STT3B: variants seen among roughly 807,000 people sequenced by gnomAD.
The protein encoded by STT3B is dolichyl-diphosphooligosaccharide--protein glycosyltransferase subunit STT3B.
STT3B carries 29 observed loss-of-function variants against 96.8 expected under a neutral mutation model. That is an observed-to-expected ratio of 0.30 (90% CI 0.22 to 0.41). STT3B has a LOEUF of 0.41. STT3B is among the 10% of genes least tolerant of loss of function. The probability of loss-of-function intolerance (pLI) is 1.00; values close to 1 mark genes in which losing one functional copy is unlikely to be tolerated. For synonymous variants in STT3B, 367 were observed against 360.0 expected (o/e 1.02, Z -0.22); for missense variants, 640 against 1,022.3 (o/e 0.63, Z 5.10).
chr3:31,571,971 A>G (rs1401361638), intron 1 of STT3B, among the ~76,000 whole-genome samples: 2 of 139,416 alleles, frequency 1.4e-5, no homozygotes, highest in Non-Finnish European at 3.1e-5. Flanking sequence ...AAAATATTAA[A>G]TATATCAATA....
chr3:31,543,637 C>T (rs563038900), intron 1 of STT3B, among the ~76,000 whole-genome samples: 45 of 152,154 alleles, frequency 3.0e-4, no homozygotes, highest in African/African-American at 1.1e-3. Context: ...CATCATAATC[C>T]CAGTTTCAAT....
At chr3:31,583,169 A>T (rs1698450324) in intron 3 of STT3B, among the ~76,000 whole-genome samples, 2 of 152,060 alleles carry the variant, frequency 1.3e-5, no homozygotes, top group Non-Finnish European at 2.9e-5. Flanking sequence ...TTATTTCTTC[A>T]ATTCTGTCAA....
In STT3B at chr3:31,622,125, C is replaced by T; in HGVS notation, c.1356C>T (p.Tyr452=). 1 of 1,614,054 alleles carries T rather than the reference C, an allele frequency of 6.2e-7. No homozygotes were observed. The highest frequency in any genetic ancestry group is 8.5e-7 in the Non-Finnish European group (1 of 1,179,936). Residue 452 remains tyrosine, a synonymous_variant, in exon 10 of 16, where the codon TAC becomes TAT. Transcript: ENST00000295770. ...CTCTATATGCAATCAGTGCTGTCTA[C>T]TTTGCTGGAGTGATGGTGCGACTGA... The part of the protein sequence containing the change: ...FVALYAISAV[Y]FAGVMVRLML...
intron 15 of STT3B, among the ~76,000 whole-genome samples, chr3:31,633,949 A>G (rs966321331): frequency 1.3e-5 from 2 of 152,172 alleles, no homozygotes; most frequent in Non-Finnish European, 2.9e-5. Context: ...CAGCTATCTT[A>G]TATCATTGAA....
intron 1 of STT3B, among the ~76,000 whole-genome samples, chr3:31,556,084 G>A (rs149921023): frequency 6.6e-6 from 1 of 151,400 alleles, no homozygotes; most frequent in African/African-American, 2.4e-5. Context: ...CTAGCCTCTG[G>A]TATCTGTCTA....
intron 14 of STT3B, 26 bp from the exon 15 acceptor site, chr3:31,632,909 A>ACC: frequency 6.2e-7 from 1 of 1,601,556 alleles, no homozygotes; most frequent in Middle Eastern, 1.7e-4. Flanking sequence ...TATGGTTAAC[A>ACC]CCCAATAATA....
At chr3:31,601,087 A>G (rs1408784444) in intron 5 of STT3B, among the ~76,000 whole-genome samples, 1 of 152,192 alleles carries the variant, frequency 6.6e-6, no homozygotes, top group South Asian at 2.1e-4. Context: ...TTGGAAAACA[A>G]TAACACAAAG....
chr3:31,533,026 A>G lies in STT3B; in HGVS notation c.28A>G (p.Lys10Glu). 1 of 1,588,668 alleles carries G rather than the reference A, an allele frequency of 6.3e-7. No individual in the cohort carries two copies. Among genetic ancestry groups the G allele is most frequent in the Admixed American group, 1.7e-5 (1 of 58,502 alleles). The change falls in exon 1 of 16, where the codon AAG becomes GAG. Residue 10 changes from lysine to glutamate, a missense_variant. Lys to Glu is a moderately conservative substitution (Grantham distance 56, BLOSUM62 1). This residue lies in a region of STT3B where 89 missense variants were observed against 81.7 expected (regional missense o/e 1.09). Coordinates refer to ENST00000295770, the MANE Select transcript of STT3B (RefSeq NM_178862.3). MAEPSAPESKHKSSLNSSPW... is the reference protein window; with the variant it reads MAEPSAPESEHKSSLNSSPW... ...GGCGGAGCCCTCGGCCCCGGAGAGCAAGCACAAGTCGTCCCTCAACTCGTC... is the reference window on the plus strand; with the variant it reads ...GGCGGAGCCCTCGGCCCCGGAGAGCGAGCACAAGTCGTCCCTCAACTCGTC...
chr3:31,569,574 A>C (rs1007151819), intron 1 of STT3B, among the ~76,000 whole-genome samples: 1 of 152,150 alleles, frequency 6.6e-6, no homozygotes, highest in African/African-American at 2.4e-5. Context: ...ACTACCACCA[A>C]ATATACTTAG....
intron 1 of STT3B, among the ~76,000 whole-genome samples, chr3:31,543,516 C>T (rs1012540623): frequency 1.3e-5 from 2 of 152,154 alleles, no homozygotes; most frequent in African/African-American, 4.8e-5. Context: ...TTAATGGTAA[C>T]CACATTTTAT....
chr3:31,594,314 G>A (rs903290404), intron 3 of STT3B, among the ~76,000 whole-genome samples: 3 of 152,124 alleles, frequency 2.0e-5, no homozygotes, highest in African/African-American at 7.2e-5. Flanking sequence ...AGATCCCACA[G>A]GTTGAGGGCC....
At chr3:31,572,659 G>A (rs1405262902) in intron 1 of STT3B, among the ~76,000 whole-genome samples, 1 of 152,118 alleles carries the variant, frequency 6.6e-6, no homozygotes, top group Non-Finnish European at 1.5e-5. Flanking sequence ...CCCAAGAGTT[G>A]GAGACCAGTC....
chr3:31,548,774 A>G (rs1237904176), intron 1 of STT3B, among the ~76,000 whole-genome samples: 2 of 152,160 alleles, frequency 1.3e-5, no homozygotes, highest in Non-Finnish European at 2.9e-5. Context: ...TCCCTGTAAT[A>G]TGGAACAAAC....
intron 1 of STT3B, among the ~76,000 whole-genome samples, chr3:31,543,920 C>G (rs1302128811): frequency 1.3e-5 from 2 of 151,984 alleles, no homozygotes; most frequent in African/African-American, 2.4e-5. Flanking sequence ...AGTTAATATA[C>G]AAAAACCATA....
intron 14 of STT3B, among the ~76,000 whole-genome samples, chr3:31,630,688 C>T (rs535090658): frequency 1.3e-5 from 2 of 152,234 alleles, no homozygotes; most frequent in South Asian, 4.1e-4. Flanking sequence ...GGAAAAATTG[C>T]TTGCTTAATT....
intron 13 of STT3B, among the ~76,000 whole-genome samples, chr3:31,626,670 T>C (rs1363082310): frequency 2.6e-5 from 4 of 152,146 alleles, no homozygotes; most frequent in African/African-American, 7.2e-5. Flanking sequence ...GAGCACTAGG[T>C]CTAGTTCTAG....
At chr3:31,613,911 C>CATT (rs1338410309) in intron 5 of STT3B, among the ~76,000 whole-genome samples, 6 of 151,898 alleles carry the variant, frequency 4.0e-5, no homozygotes, top group African/African-American at 1.4e-4. Context: ...TCTGGTCCTC[C>CATT]ATTAGCTTGA....
intron 4 of STT3B, among the ~76,000 whole-genome samples, chr3:31,597,861 A>C (rs750272799): frequency 8.9e-5 from 13 of 146,128 alleles, no homozygotes; most frequent in South Asian, 4.3e-4. Flanking sequence ...TTTGAGACAG[A>C]GTCTGGCTCT....
intron 3 of STT3B, among the ~76,000 whole-genome samples, chr3:31,584,402 A>G (rs571541321): frequency 6.6e-6 from 1 of 152,144 alleles, no homozygotes; most frequent in Non-Finnish European, 1.5e-5. Flanking sequence ...TGCTTTGGCT[A>G]TATGGGGTGC....
Sources: allele counts gnomAD v4.1 joint callset (sites outside exome capture counted in the v4.1 genomes callset), GRCh38; gene constraint gnomAD v4.1.1; regional missense constraint gnomAD v4.1.1; transcripts MANE v1.5; gene names NCBI Gene and HGNC (gene_info 2026-07-23, HGNC 2026-07-21).